Variants in PPAT observed in about 807,000 individuals in gnomAD.
The protein encoded by PPAT is phosphoribosyl pyrophosphate amidotransferase.
Under a neutral mutation model 60.2 loss-of-function variants are expected in PPAT, and 20 were observed. The ratio of observed to expected loss-of-function variants is 0.33; its 90% confidence interval spans 0.23 to 0.48. The LOEUF (loss-of-function observed/expected upper bound fraction) is 0.48. Ranked by LOEUF, PPAT falls within the 20% of genes least tolerant of loss-of-function variation. PPAT has a pLI of 0.99. For synonymous variants in PPAT, 194 were observed against 215.1 expected (o/e 0.90, Z 0.86); for missense variants, 349 against 629.6 (o/e 0.55, Z 4.77).
At chr4:56,398,024 C>T (rs1287545457) in intron 9 of PPAT, among the ~76,000 whole-genome samples, 1 of 150,918 alleles carries the variant, frequency 6.6e-6, no homozygotes, top group Non-Finnish European at 1.5e-5. Flanking sequence ...CCAGGTGACA[C>T]AGTGAGTCCC....
At chr4:56,412,309 C>CTT (rs35987993) in intron 1 of PPAT, among the ~76,000 whole-genome samples, 75 of 142,154 alleles carry the variant, frequency 5.3e-4, no homozygotes, top group African/African-American at 1.6e-3. Context: ...CTCCCATCAC[C>CTT]TTTTTTTTTT....
At position 56,394,275 on chromosome 4, in the gene PPAT, G is replaced by A. The variant is rs1715907144; in HGVS notation, c.*1077C>T. The A allele has an allele frequency of 1.3e-5, 2 of 152,008 alleles. No individual in the cohort carries two copies. Among genetic ancestry groups the A allele is most frequent in the Non-Finnish European group, 1.5e-5 (1 of 67,992 alleles). 9.4% of individuals were successfully genotyped at this position (152,008 alleles called of 1,614,324 possible). On this transcript the variant is annotated 3_prime_UTR_variant, in exon 11 of 11. Coordinates refer to ENST00000264220, the MANE Select transcript of PPAT (RefSeq NM_002703.5). Reference sequence around the variant, plus strand: ...TAAGTTGATACTAATTCCCCAAAGTGGTTGTCTCTTTGATCCTTAAACAAA... The same window carrying A: ...TAAGTTGATACTAATTCCCCAAAGTAGTTGTCTCTTTGATCCTTAAACAAA...
In PPAT at chr4:56,395,341, A is replaced by G. The variant is rs760100296; in HGVS notation, c.*11T>C. On this transcript the variant is annotated 3_prime_UTR_variant, in exon 11 of 11. Transcript: ENST00000264220. The stretch of plus-strand genomic sequence containing the variant: ...TTCTATCTTGAAACTACACACATCC[A>G]ACCCTACCAGCTACCATTCTAATTC... 20 of 1,588,026 alleles carry G rather than the reference A, an allele frequency of 1.3e-5. No individual in the cohort carries two copies. The highest frequency in any genetic ancestry group is 1.7e-5 in the Non-Finnish European group (20 of 1,164,540).
At chr4:56,417,835 G>GTTTTTTTTTT (rs1207160039) in intron 1 of PPAT, among the ~76,000 whole-genome samples, 10 of 102,592 alleles carry the variant, frequency 9.7e-5, no homozygotes, top group African/African-American at 3.1e-4. Context: ...TGAAGATTTG[G>GTTTTTTTTTT]TTTTTTGTTT....
At position 56,411,984 on chromosome 4, in the gene PPAT, C is replaced by T. The variant is rs529692461; in HGVS notation, c.129-4268G>A. 7.7e-4 allele frequency among the ~76,000 whole-genome samples: 117 copies of T among 152,254 alleles called. 5 individuals are homozygous for T. In the South Asian group the frequency reaches 0.024, roughly 31 times the overall value. On this transcript the variant is annotated intron_variant, in intron 1 of 10. Transcript: ENST00000264220. ...TCTGAGAAAGCTTTGCAGTTATTACCATATTAAACAGCAATCGCATTATTT... is the reference window on the plus strand; with the variant it reads ...TCTGAGAAAGCTTTGCAGTTATTACTATATTAAACAGCAATCGCATTATTT...
At chr4:56,407,388 A>G (rs4865100) in intron 2 of PPAT, among the ~76,000 whole-genome samples, 104,077 of 151,322 alleles carry the variant, frequency 0.69, 35,882 homozygotes, top group South Asian at 0.76. Context: ...GCGCAATATC[A>G]GCTCACCACA....
At position 56,403,104 on chromosome 4, in the gene PPAT, ATCTCGTAC is replaced by A; in HGVS notation, c.589_596del (p.Val197SerfsTer17). 1 of 1,612,920 alleles carries A rather than the reference ATCTCGTAC, an allele frequency of 6.2e-7. No homozygotes were observed. The highest frequency in any genetic ancestry group is 8.5e-7 in the Non-Finnish European group (1 of 1,178,986). On this transcript the variant is annotated frameshift_variant, in exon 5 of 11. Transcript: ENST00000264220. LOFTEE classifies it high-confidence loss of function. ...TGCATAAGGGACGATTTCCATAAGG[ATCTCGTAC>A]TGCATAAATAACATCTCTGTGCATT... is the stretch of plus-strand genomic sequence containing the variant.
chr4:56,411,109 TA>T (rs1005031912), intron 1 of PPAT, among the ~76,000 whole-genome samples: 1 of 152,060 alleles, frequency 6.6e-6, no homozygotes, highest in Non-Finnish European at 1.5e-5. Context: ...ATTACCACTT[TA>T]AAAAAATCTG....
intron 7 of PPAT, 50 bp downstream of exon 7, chr4:56,401,280 A>C (rs1716106622): frequency 6.7e-7 from 1 of 1,484,684 alleles, no homozygotes. Flanking sequence ...TGTTTCAAGG[A>C]GATAGCTAAA....
At chr4:56,412,851 A>T (rs1716531797) in intron 1 of PPAT, among the ~76,000 whole-genome samples, 2 of 152,196 alleles carry the variant, frequency 1.3e-5, no homozygotes, top group South Asian at 4.1e-4. Flanking sequence ...TACTTTCCAC[A>T]ATACCACTAG....
intron 1 of PPAT, among the ~76,000 whole-genome samples, chr4:56,416,727 T>G (rs1166827427): frequency 6.6e-6 from 1 of 152,224 alleles, no homozygotes; most frequent in Non-Finnish European, 1.5e-5. Flanking sequence ...ATGATCACTT[T>G]AGTGTTGAGG....
Position 56,435,546 on chromosome 4 carries a change from C to A in PPAT, c.-69G>T. 1 of 1,608,078 alleles carries A rather than the reference C, an allele frequency of 6.2e-7. No individual in the cohort carries two copies. The highest frequency in any genetic ancestry group is 8.5e-7 in the Non-Finnish European group (1 of 1,177,280). On this transcript the variant is annotated 5_prime_UTR_variant, in exon 1 of 11. Transcript: ENST00000264220. ...GGTGTAAGCACCAACCAGCTGCCAGCTCGGCCCGTCGAGCTCAGAAGCTCG... is the reference window on the plus strand; with the variant it reads ...GGTGTAAGCACCAACCAGCTGCCAGATCGGCCCGTCGAGCTCAGAAGCTCG...
chr4:56,401,239 G>C (rs575349484), intron 7 of PPAT, 91 bp downstream of exon 7: 1 of 1,205,984 alleles, frequency 8.3e-7, no homozygotes, highest in East Asian at 2.5e-5. Context: ...CCTTCAAAGA[G>C]CCAGGTAAGC....
intron 1 of PPAT, among the ~76,000 whole-genome samples, chr4:56,426,146 T>C (rs1275827723): frequency 6.6e-6 from 1 of 152,192 alleles, no homozygotes; most frequent in Admixed American, 6.5e-5. Context: ...CTAACGCCTG[T>C]AATCCCAACA....
At chr4:56,410,565 T>C (rs1464041038) in intron 1 of PPAT, 1 of 986,610 alleles carries the variant, frequency 1.0e-6, no homozygotes, top group Non-Finnish European at 1.2e-6. Context: ...GTTAAAGCTT[T>C]GCTAAGTGTC....
At chr4:56,407,228 T>A (rs1716261884) in intron 2 of PPAT, among the ~76,000 whole-genome samples, 1 of 152,158 alleles carries the variant, frequency 6.6e-6, no homozygotes, top group Non-Finnish European at 1.5e-5. Flanking sequence ...CCAAAGAATA[T>A]TACTTTTGAT....
At chr4:56,413,299 G>T (rs987921777) in intron 1 of PPAT, among the ~76,000 whole-genome samples, 30 of 152,088 alleles carry the variant, frequency 2.0e-4, no homozygotes, top group African/African-American at 7.2e-4. Flanking sequence ...GATTAGAGGC[G>T]CAACGCCACC....
At chr4:56,419,632 T>C in intron 1 of PPAT, 1 of 977,362 alleles carries the variant, frequency 1.0e-6, no homozygotes, top group Non-Finnish European at 1.2e-6. Flanking sequence ...ACGTCAGTAT[T>C]GGAACCCTCT....
At chr4:56,415,860 A>G (rs1578125928) in intron 1 of PPAT, among the ~76,000 whole-genome samples, 4 of 152,128 alleles carry the variant, frequency 2.6e-5, no homozygotes, top group Admixed American at 6.6e-5. Context: ...ACCTGAGGTT[A>G]GGAGCTCGAG....
Sources: gnomAD v4.1 joint callset for allele counts (sites outside exome capture counted in the v4.1 genomes callset) on GRCh38, gnomAD v4.1.1 for gene constraint, MANE v1.5 for transcripts, NCBI Gene and HGNC (gene_info 2026-07-23, HGNC 2026-07-21) for gene names.